Variants in TRIAP1 observed in about 807,000 individuals in gnomAD.
TRIAP1 encodes TP53-regulated inhibitor of apoptosis 1.
Under a neutral mutation model 8.4 loss-of-function variants are expected in TRIAP1, and 8 were observed. That is an observed-to-expected ratio of 0.96 (90% CI 0.56 to 1.73). The LOEUF (loss-of-function observed/expected upper bound fraction) is 1.73. Ranked by LOEUF, TRIAP1 falls within the 40% of genes most tolerant of loss-of-function variation. TRIAP1 has a pLI of 0.00. For synonymous variants in TRIAP1, 35 were observed against 34.0 expected (o/e 1.03, Z -0.10); for missense variants, 90 against 96.9 (o/e 0.93, Z 0.30).
chr12:120,445,637 AC>A (rs1877829852), intron 1 of TRIAP1, among the ~76,000 whole-genome samples: 1 of 152,218 alleles, frequency 6.6e-6, no homozygotes, highest in Non-Finnish European at 1.5e-5. Flanking sequence ...TGTTGGGTTA[AC>A]TTATTGGAAG....
Position 120,446,373 on chromosome 12 carries a change from G to A in TRIAP1, c.-1C>T, listed in dbSNP as rs752272387. On this transcript the variant is annotated 5_prime_UTR_variant, in exon 1 of 2. Transcript: ENST00000546954. ...TGCATGCCTCCCCCACACTGTTCATGGCGACAGTGGTGGCGGCGGCGACGA... is the reference window on the plus strand; with the variant it reads ...TGCATGCCTCCCCCACACTGTTCATAGCGACAGTGGTGGCGGCGGCGACGA... The A allele has an allele frequency of 6.2e-7, 1 of 1,613,032 alleles. No individual in the cohort carries two copies.
Position 120,444,468 on chromosome 12 carries a change from T to G in TRIAP1, c.*404A>C. ...AGTTCCCTGAGAGGAAAAAAAGAGGTCCTAACCAATTGCTTTCATAAATAG... is the reference window on the plus strand; with the variant it reads ...AGTTCCCTGAGAGGAAAAAAAGAGGGCCTAACCAATTGCTTTCATAAATAG... On this transcript the variant is annotated 3_prime_UTR_variant, in exon 2 of 2. Coordinates refer to ENST00000546954, the MANE Select transcript of TRIAP1 (RefSeq NM_016399.3). The G allele has an allele frequency of 5.7e-6, 1 of 176,038 alleles. No homozygotes were observed. Among genetic ancestry groups the G allele is most frequent in the Non-Finnish European group, 1.2e-5 (1 of 83,616 alleles). The allele number at this position is 176,038 out of a possible 1,614,324, so 10.9% of individuals were successfully genotyped here. A position where few individuals can be genotyped will look rare whatever the true frequency, so the allele number is the denominator to read the frequency against.
At position 120,446,322 on chromosome 12, in the gene TRIAP1, C is replaced by T; in HGVS notation, c.51G>A (p.Gln17=). Residue 17 remains glutamine, a synonymous_variant, in exon 1 of 2, where the codon CAG becomes CAA. Transcript: ENST00000546954. ...ACTDMKREYD[Q]CFNRWFAEKF... ...TCTCGGCGAACCAGCGATTGAAGCA[C>T]TGGTCGTACTCGCGCTTCATGTCCG... 1.9e-6 allele frequency: 3 copies of T among 1,614,238 alleles called. No homozygotes were observed. Among genetic ancestry groups the T allele is most frequent in the Non-Finnish European group, 2.5e-6 (3 of 1,180,046 alleles).
chr12:120,445,029 CA>C lies in TRIAP1; in HGVS notation c.148-75del, dbSNP rs1228543148. The C allele has an allele frequency of 9.0e-6, 10 of 1,113,144 alleles. No homozygotes were observed. In the African/African-American group the frequency reaches 1.4e-4, roughly 16 times the overall value. 69.0% of individuals were successfully genotyped at this position (1,113,144 alleles called of 1,614,324 possible). A position where few individuals can be genotyped will look rare whatever the true frequency, so the allele number is the denominator to read the frequency against. The stretch of plus-strand genomic sequence containing the variant: ...TGCAAGCTTTGTAAATAAAATATGA[CA>C]GTACAAAAGTAAAATCAAGCTGATT... On this transcript the variant is annotated intron_variant, in intron 1 of 1. Coordinates refer to ENST00000546954, the MANE Select transcript of TRIAP1 (RefSeq NM_016399.3).
Position 120,444,719 on chromosome 12 carries a change from T to C in TRIAP1, c.*153A>G, listed in dbSNP as rs1463718683. On this transcript the variant is annotated 3_prime_UTR_variant, in exon 2 of 2. Coordinates refer to ENST00000546954, the MANE Select transcript of TRIAP1 (RefSeq NM_016399.3). ...AAATCATCTCAAAGAGTTCATCTTTTACAACTGAGAGGAAAACATCGAAGG... is the reference window on the plus strand; with the variant it reads ...AAATCATCTCAAAGAGTTCATCTTTCACAACTGAGAGGAAAACATCGAAGG... 1 of 683,994 alleles carries C rather than the reference T, an allele frequency of 1.5e-6. No individual in the cohort carries two copies. The highest frequency in any genetic ancestry group is 1.8e-5 in the African/African-American group (1 of 55,308). 42.4% of individuals were successfully genotyped at this position (683,994 alleles called of 1,614,324 possible).
chr12:120,446,281 T>G lies in TRIAP1; in HGVS notation c.92A>C (p.Asp31Ala). 1 of 1,614,036 alleles carries G rather than the reference T, an allele frequency of 6.2e-7. No individual in the cohort carries two copies. Among genetic ancestry groups the G allele is most frequent in the Non-Finnish European group, 8.5e-7 (1 of 1,180,004 alleles). ...GTCGGTGCACGGGTCCCCGGAGCTGTCCCCCTTGAGAAATTTCTCGGCGAA... is the reference window on the plus strand; with the variant it reads ...GTCGGTGCACGGGTCCCCGGAGCTGGCCCCCTTGAGAAATTTCTCGGCGAA... The part of the protein sequence containing the change: ...RWFAEKFLKG[D>A]SSGDPCTDLF... The change falls in exon 1 of 2, where the codon GAC becomes GCC. Residue 31 changes from aspartate to alanine, a missense_variant. Coordinates refer to ENST00000546954, the MANE Select transcript of TRIAP1 (RefSeq NM_016399.3).
At position 120,444,799 on chromosome 12, in the gene TRIAP1, A is replaced by T; in HGVS notation, c.*73T>A. 1 of 1,143,498 alleles carries T rather than the reference A, an allele frequency of 8.7e-7. No homozygotes were observed. Among genetic ancestry groups the T allele is most frequent in the Non-Finnish European group, 1.3e-6 (1 of 759,010 alleles). 70.8% of individuals were successfully genotyped at this position (1,143,498 alleles called of 1,614,324 possible). On this transcript the variant is annotated 3_prime_UTR_variant, in exon 2 of 2. Transcript: ENST00000546954. ...CTCATCAAATCTGATGGCTATGTTC[A>T]CAGAGTTAGTTGACAAAAATCCAGA...
Position 120,444,788 on chromosome 12 carries a change from T to C in TRIAP1, c.*84A>G, listed in dbSNP as rs544726664. 2.0e-6 allele frequency: 2 copies of C among 998,332 alleles called. No homozygotes were observed. The highest frequency in any genetic ancestry group is 2.4e-5 in the East Asian group (1 of 41,660). 61.8% of individuals were successfully genotyped at this position (998,332 alleles called of 1,614,324 possible). On this transcript the variant is annotated 3_prime_UTR_variant, in exon 2 of 2. Coordinates refer to ENST00000546954, the MANE Select transcript of TRIAP1 (RefSeq NM_016399.3). Reference sequence around the variant, plus strand: ...CTCCTAAGTTCCTCATCAAATCTGATGGCTATGTTCACAGAGTTAGTTGAC... The same window carrying C: ...CTCCTAAGTTCCTCATCAAATCTGACGGCTATGTTCACAGAGTTAGTTGAC...
chr12:120,444,802 G>T lies in TRIAP1; in HGVS notation c.*70C>A. Reference sequence around the variant, plus strand: ...ATCAAATCTGATGGCTATGTTCACAGAGTTAGTTGACAAAAATCCAGAGTC... The same window carrying T: ...ATCAAATCTGATGGCTATGTTCACATAGTTAGTTGACAAAAATCCAGAGTC... On this transcript the variant is annotated 3_prime_UTR_variant, in exon 2 of 2. Coordinates refer to ENST00000546954, the MANE Select transcript of TRIAP1 (RefSeq NM_016399.3). 1 of 1,168,356 alleles carries T rather than the reference G, an allele frequency of 8.6e-7. No individual in the cohort carries two copies. The highest frequency in any genetic ancestry group is 1.3e-6 in the Non-Finnish European group (1 of 779,538). 72.4% of individuals were successfully genotyped at this position (1,168,356 alleles called of 1,614,324 possible).
Position 120,444,713 on chromosome 12 carries a change from A to G in TRIAP1, c.*159T>C. ...GGTGAGAAATCATCTCAAAGAGTTC[A>G]TCTTTTACAACTGAGAGGAAAACAT... On this transcript the variant is annotated 3_prime_UTR_variant, in exon 2 of 2. Transcript: ENST00000546954. The G allele has an allele frequency of 1.5e-6, 1 of 669,234 alleles. No homozygotes were observed. The highest frequency in any genetic ancestry group is 2.7e-6 in the Non-Finnish European group (1 of 375,586). 41.5% of individuals were successfully genotyped at this position (669,234 alleles called of 1,614,324 possible).
intron 1 of TRIAP1, 59 bp downstream of exon 1, chr12:120,446,167 G>A: frequency 6.3e-7 from 1 of 1,598,878 alleles, no homozygotes; most frequent in South Asian, 1.1e-5. Context: ...AATACGATGA[G>A]TGTGGTGGGA....
chr12:120,443,968 A>G lies in TRIAP1; in HGVS notation c.*904T>C, dbSNP rs1877789580. 6.6e-6 allele frequency: 1 copy of G among 152,222 alleles called. No individual in the cohort carries two copies. The highest frequency in any genetic ancestry group is 1.5e-5 in the Non-Finnish European group (1 of 68,052). 9.4% of individuals were successfully genotyped at this position (152,222 alleles called of 1,614,324 possible). ...CTGAGTTCCAGAGGCAAATAATGAT[A>G]GAAACTAAATGTTACAATTTATTCC... On this transcript the variant is annotated 3_prime_UTR_variant, in exon 2 of 2. Coordinates refer to ENST00000546954, the MANE Select transcript of TRIAP1 (RefSeq NM_016399.3).
chr12:120,444,911 G>T lies in TRIAP1; in HGVS notation c.192C>A (p.Phe64Leu). 6.2e-7 allele frequency: 1 copy of T among 1,613,922 alleles called. No individual in the cohort carries two copies. The highest frequency in any genetic ancestry group is 1.1e-5 in the South Asian group (1 of 91,040). ...CAGGCTTTTCTTTGCCATGGCCCAT[G>T]AACTCCAGTCCTTCAATAGGAATCT... Reference protein sequence around the residue: ...EKEIPIEGLEFMGHGKEKPEN... With the variant: ...EKEIPIEGLELMGHGKEKPEN... Residue 64 changes from phenylalanine to leucine, a missense_variant, in exon 2 of 2, where the codon TTC becomes TTA. Physicochemically the swap from Phe to Leu is conservative, Grantham distance 22. Transcript: ENST00000546954.
chr12:120,444,576 G>T lies in TRIAP1; in HGVS notation c.*296C>A, dbSNP rs148509385. 2 of 354,088 alleles carry T rather than the reference G, an allele frequency of 5.6e-6. No homozygotes were observed. Among genetic ancestry groups the T allele is most frequent in the Admixed American group, 9.2e-5 (2 of 21,840 alleles). 21.9% of individuals were successfully genotyped at this position (354,088 alleles called of 1,614,324 possible). A position where few individuals can be genotyped will look rare whatever the true frequency, so the allele number is the denominator to read the frequency against. On this transcript the variant is annotated 3_prime_UTR_variant, in exon 2 of 2. Coordinates refer to ENST00000546954, the MANE Select transcript of TRIAP1 (RefSeq NM_016399.3). ...TGCTCATCCTGACTAGTTTATCATC[G>T]TTTGCATACAAGGTATATTTATGTA...
In TRIAP1 at chr12:120,444,813, C is replaced by G. The variant is rs895624073; in HGVS notation, c.*59G>C. On this transcript the variant is annotated 3_prime_UTR_variant, in exon 2 of 2. Coordinates refer to ENST00000546954, the MANE Select transcript of TRIAP1 (RefSeq NM_016399.3). ...TGGCTATGTTCACAGAGTTAGTTGA[C>G]AAAAATCCAGAGTCCTCAATTTCTG... The G allele has an allele frequency of 1.3e-5, 18 of 1,387,196 alleles. No individual in the cohort carries two copies. Among genetic ancestry groups the G allele is most frequent in the Admixed American group, 5.3e-5 (3 of 56,942 alleles). 85.9% of individuals were successfully genotyped at this position (1,387,196 alleles called of 1,614,324 possible). A position where few individuals can be genotyped will look rare whatever the true frequency, so the allele number is the denominator to read the frequency against.
chr12:120,444,509 G>A lies in TRIAP1; in HGVS notation c.*363C>T. On this transcript the variant is annotated 3_prime_UTR_variant, in exon 2 of 2. Transcript: ENST00000546954. ...TCATAAATAGTGACCCCAGTACAGT[G>A]TATATGTCTTTTGCAGCAGAAATCA... The A allele has an allele frequency of 3.2e-6, 1 of 310,128 alleles. No individual in the cohort carries two copies. The highest frequency in any genetic ancestry group is 6.1e-6 in the Non-Finnish European group (1 of 162,906). The allele number at this position is 310,128 out of a possible 1,614,324, so 19.2% of individuals were successfully genotyped here.
At chr12:120,445,026 T>C (rs1319568805) in intron 1 of TRIAP1, 71 bp from the exon 2 acceptor site, 5 of 1,121,092 alleles carry the variant, frequency 4.5e-6, no homozygotes, top group Non-Finnish European at 6.6e-6. Context: ...AAATAAAATA[T>C]GACAGTACAA....
chr12:120,444,908 CA>C lies in TRIAP1; in HGVS notation c.194del (p.Met65ArgfsTer27). The C allele has an allele frequency of 6.2e-7, 1 of 1,613,884 alleles. No individual in the cohort carries two copies. Among genetic ancestry groups the C allele is most frequent in the South Asian group, 1.1e-5 (1 of 91,048 alleles). On this transcript the variant is annotated frameshift_variant, in exon 2 of 2. Transcript: ENST00000546954. LOFTEE classifies it high-confidence loss of function. ...KEIPIEGLEF[M>X]GHGKEKPENS... ...TTTCAGGCTTTTCTTTGCCATGGCC[CA>C]TGAACTCCAGTCCTTCAATAGGAAT...
chr12:120,444,976 A>G (rs1306734194), intron 1 of TRIAP1, 21 bp from the exon 2 acceptor site: 2 of 1,557,136 alleles, frequency 1.3e-6, no homozygotes, highest in South Asian at 1.1e-5. Context: ...GAGAAAACAC[A>G]TTATAAAGAC....
Sources: allele counts gnomAD v4.1 joint callset (sites outside exome capture counted in the v4.1 genomes callset), GRCh38; gene constraint gnomAD v4.1.1; transcripts MANE v1.5; gene names NCBI Gene and HGNC (gene_info 2026-07-23, HGNC 2026-07-21).